Variants in SLIT1 observed in about 807,000 individuals in gnomAD.
SLIT1 encodes slit guidance ligand 1.
A neutral mutation model predicts 186.1 loss-of-function variants in SLIT1; 66 were observed. The ratio of observed to expected loss-of-function variants is 0.35; its 90% CI spans 0.29 to 0.44. The LOEUF is 0.44. SLIT1 is among the 20% of genes least tolerant of loss of function. The pLI is 1.00. For synonymous variants in SLIT1, 761 were observed against 833.8 expected, an observed-to-expected ratio of 0.91 and a Z score of 1.50; for missense variants, 1,638 against 2,037.4, an observed-to-expected ratio of 0.80 and a Z score of 3.77.
intron 4 of SLIT1, among the ~76,000 whole-genome samples, chr10:97,097,190 T>C (rs149287914): frequency 6.6e-6 from 1 of 152,136 alleles, no homozygotes; most frequent in Non-Finnish European, 1.5e-5. Context: ...CCACATCTCA[T>C]CCCTACAGCT....
Position 97,011,047 on chromosome 10 carries a change from G to A in SLIT1, c.3287C>T (p.Ala1096Val). 6.2e-7 allele frequency: 1 copy of A among 1,614,020 alleles called. No individual in the cohort carries two copies. Among genetic ancestry groups the A allele is most frequent in the Non-Finnish European group, 8.5e-7 (1 of 1,179,930 alleles). ...GCTGTTGACTTCATCCATACACTGG[G>A]CCCCATTCTGGCAGCGGTGGTCCCT... The part of the protein sequence containing the change: ...DCRDHRCQNG[A>V]QCMDEVNSYS... The change falls in exon 31 of 37, where the codon GCC becomes GTC. Residue 1096 changes from alanine (A) to valine (V), a missense_variant. Physicochemically the swap from Ala to Val is moderately conservative, Grantham distance 64. Transcript: ENST00000266058.
chr10:97,107,204 G>A (rs1203498326), intron 4 of SLIT1, among the ~76,000 whole-genome samples: 1 of 152,254 alleles, frequency 6.6e-6, no homozygotes, highest in Non-Finnish European at 1.5e-5. Flanking sequence ...CCAGCTGCAG[G>A]GGCCTCCTGG....
chr10:97,140,052 A>AC (rs1849742153), intron 4 of SLIT1, among the ~76,000 whole-genome samples: 1 of 151,902 alleles, frequency 6.6e-6, no homozygotes. Context: ...GGGTGATGAA[A>AC]CCCCAGCATG....
intron 4 of SLIT1, among the ~76,000 whole-genome samples, chr10:97,078,102 A>T (rs548286478): frequency 6.6e-6 from 1 of 152,252 alleles, no homozygotes; most frequent in South Asian, 2.1e-4. Context: ...GTGAGACCCT[A>T]TCTCAAAAAT....
At chr10:97,039,649 C>T (rs1385522927) in intron 21 of SLIT1, among the ~76,000 whole-genome samples, 4 of 152,214 alleles carry the variant, frequency 2.6e-5, no homozygotes, top group Non-Finnish European at 4.4e-5. Flanking sequence ...ACTGCTGGTG[C>T]AAAAATCACA....
chr10:97,056,375 T>C lies in SLIT1; in HGVS notation c.1247A>G (p.Lys416Arg). ...NLSLLSLYDN[K>R]IQSLAKGTFT... ...AGTGCCCTTGGCGAGGCTCTGGATC[T>C]TGTTGTCATACAGGGAGAGCAGTGA... is the stretch of plus-strand genomic sequence containing the variant. The change falls in exon 13 of 37, where the codon AAG becomes AGG. Residue 416 changes from lysine (K) to arginine (R), a missense_variant. This residue lies in a region of SLIT1 where 1,245 missense variants were observed against 1,535.3 expected (regional missense o/e 0.81). Coordinates refer to ENST00000266058, the MANE Select transcript of SLIT1 (RefSeq NM_003061.3). 6.2e-7 allele frequency: 1 copy of C among 1,614,240 alleles called. No homozygotes were observed. Among genetic ancestry groups the C allele is most frequent in the Non-Finnish European group, 8.5e-7 (1 of 1,180,024 alleles).
At chr10:97,165,364 C>G (rs932531650) in intron 1 of SLIT1, among the ~76,000 whole-genome samples, 7 of 152,124 alleles carry the variant, frequency 4.6e-5, no homozygotes, top group Admixed American at 2.0e-4. Flanking sequence ...CATGGGGACA[C>G]CAGTGTTATC....
At chr10:97,166,571 G>GAGAGAGAGAA (rs1564692750) in intron 1 of SLIT1, among the ~76,000 whole-genome samples, 1 of 59,452 alleles carries the variant, frequency 1.7e-5, no homozygotes, top group East Asian at 4.1e-4. Context: ...GAGAGAGAGA[G>GAGAGAGAGAA]AAAGAAAGAA....
intron 4 of SLIT1, among the ~76,000 whole-genome samples, chr10:97,129,131 G>T (rs1297667952): frequency 6.6e-6 from 1 of 152,136 alleles, no homozygotes; most frequent in Non-Finnish European, 1.5e-5. Context: ...GCCGGGTGCG[G>T]TGGCTCACGT....
intron 30 of SLIT1, among the ~76,000 whole-genome samples, chr10:97,012,249 CAG>C (rs922029591): frequency 1.6e-4 from 25 of 152,254 alleles, no homozygotes; most frequent in South Asian, 4.1e-4. Context: ...TAATATTAAA[CAG>C]GGGCTGGGGC....
chr10:97,000,858 T>C lies in SLIT1; in HGVS notation c.*254A>G. On this transcript the variant is annotated 3_prime_UTR_variant, in exon 37 of 37. Transcript: ENST00000266058. ...ACACATTCACTCAACAAATATTTATTAAGCGCCTATTTGTGCAAGGCACTT... is the reference window on the plus strand; with the variant it reads ...ACACATTCACTCAACAAATATTTATCAAGCGCCTATTTGTGCAAGGCACTT... The C allele has an allele frequency of 7.5e-6, 4 of 535,222 alleles. 1 individual carries two copies. The East Asian group carries it at 1.2e-4, about 16-fold the overall frequency. The allele number at this position is 535,222 out of a possible 1,614,324, so 33.2% of individuals were successfully genotyped here.
chr10:97,088,079 T>C (rs1298184908), intron 4 of SLIT1, among the ~76,000 whole-genome samples: 3 of 152,142 alleles, frequency 2.0e-5, no homozygotes, highest in East Asian at 1.9e-4. Context: ...TGGAACTATC[T>C]GGGAAACTTA....
intron 4 of SLIT1, among the ~76,000 whole-genome samples, chr10:97,098,720 C>A (rs772665419): frequency 1.3e-5 from 2 of 152,176 alleles, no homozygotes; most frequent in Non-Finnish European, 2.9e-5. Flanking sequence ...CACCTAGCAC[C>A]AAGTAGGATG....
Position 97,063,566 on chromosome 10 carries a change from G to T in SLIT1, c.682C>A (p.Gln228Lys). The T allele has an allele frequency of 6.2e-7, 1 of 1,613,404 alleles. No individual in the cohort carries two copies. Among genetic ancestry groups the T allele is most frequent in the Non-Finnish European group, 8.5e-7 (1 of 1,179,860 alleles). Residue 228 changes from glutamine to lysine, a missense_variant, in exon 8 of 37, where the codon CAG becomes AAG. Physicochemically the swap from Gln to Lys is moderately conservative, Grantham distance 53. Around this residue, in one of 3 missense-constraint regions of SLIT1, gnomAD observed 1,245 missense variants for 1,535.3 expected, o/e 0.81. Transcript: ENST00000266058. ...ATGGTTGGCCGCTGCCTCAGCCACTGCGAGAGCCAGGCCAGGTGGCAGTCG... is the reference window on the plus strand; with the variant it reads ...ATGGTTGGCCGCTGCCTCAGCCACTTCGAGAGCCAGGCCAGGTGGCAGTCG... ...FCDCHLAWLS[Q>K]WLRQRPTIGL...
intron 4 of SLIT1, among the ~76,000 whole-genome samples, chr10:97,123,696 A>C (rs1335375753): frequency 6.6e-6 from 1 of 151,856 alleles, no homozygotes; most frequent in Non-Finnish European, 1.5e-5. Flanking sequence ...AGGCTGAGGC[A>C]GGAGAATCAC....
In SLIT1 at chr10:97,049,123, C is replaced by A; in HGVS notation, c.1302-5G>T. ...AAAGGGTTCTGCGCCAGGTGCCTGTCCAAAGCAGGCAGATCAGCTATGAGA... is the reference window on the plus strand; with the variant it reads ...AAAGGGTTCTGCGCCAGGTGCCTGTACAAAGCAGGCAGATCAGCTATGAGA... On this transcript the variant is annotated splice_region_variant and splice_polypyrimidine_tract_variant and intron_variant, in intron 13 of 36. Coordinates refer to ENST00000266058, the MANE Select transcript of SLIT1 (RefSeq NM_003061.3). 1 of 1,611,526 alleles carries A rather than the reference C, an allele frequency of 6.2e-7. No homozygotes were observed. Among genetic ancestry groups the A allele is most frequent in the Admixed American group, 1.7e-5 (1 of 59,978 alleles).
chr10:97,082,368 G>C (rs1240201994), intron 4 of SLIT1, among the ~76,000 whole-genome samples: 1 of 152,138 alleles, frequency 6.6e-6, no homozygotes, highest in African/African-American at 2.4e-5. Context: ...TATGTGCCTG[G>C]CACTGTGCTA....
intron 23 of SLIT1, among the ~76,000 whole-genome samples, chr10:97,033,998 G>A (rs1589369124): frequency 6.6e-6 from 1 of 152,004 alleles, no homozygotes; most frequent in Non-Finnish European, 1.5e-5. Context: ...CCAAGTAGGT[G>A]GGACTACAGG....
intron 4 of SLIT1, among the ~76,000 whole-genome samples, chr10:97,083,223 C>T (rs553933033): frequency 6.6e-6 from 1 of 152,348 alleles, no homozygotes; most frequent in South Asian, 2.1e-4. Context: ...GCATGAGATA[C>T]TGCACCTGGC....
Sources: gnomAD v4.1 joint callset for allele counts (sites outside exome capture counted in the v4.1 genomes callset) on GRCh38, gnomAD v4.1.1 for gene constraint, gnomAD v4.1.1 regional missense constraint, MANE v1.5 for transcripts, NCBI Gene and HGNC (gene_info 2026-07-23, HGNC 2026-07-21) for gene names.